Variants in IGSF21 observed in about 807,000 individuals in gnomAD.
The protein encoded by IGSF21 is immunoglobulin superfamily member 21.
IGSF21 carries 28 observed loss-of-function variants against 46.8 expected under a neutral mutation model. That is an observed-to-expected ratio of 0.60 (90% confidence interval 0.44 to 0.82). The LOEUF (loss-of-function observed/expected upper bound fraction) is 0.82. Ranked by LOEUF, IGSF21 falls within the 40% of genes least tolerant of loss-of-function variation. IGSF21 has a pLI of 0.00. For missense variants in IGSF21, 624 were observed against 665.5 expected (o/e 0.94, Z 0.69); for synonymous variants, 284 against 273.6 (o/e 1.04, Z -0.38).
At chr1:18,325,869 G>A (rs2085652456) in intron 3 of IGSF21, among the ~76,000 whole-genome samples, 1 of 152,218 alleles carries the variant, frequency 6.6e-6, no homozygotes, top group Non-Finnish European at 1.5e-5. Context: ...AAAGCAAGAT[G>A]CCGTGAGGGC....
intron 3 of IGSF21, among the ~76,000 whole-genome samples, chr1:18,292,196 G>A (rs890294172): frequency 1.8e-4 from 27 of 152,208 alleles, no homozygotes; most frequent in African/African-American, 6.0e-4. Flanking sequence ...CCAGGCCACC[G>A]CTCTTCTGAC....
At chr1:18,343,760 C>A (rs555110642) in intron 4 of IGSF21, among the ~76,000 whole-genome samples, 1 of 152,158 alleles carries the variant, frequency 6.6e-6, no homozygotes, top group Non-Finnish European at 1.5e-5. Context: ...TGTGAAAGTG[C>A]GAGTTTATTT....
At chr1:18,320,629 G>T (rs1042106494) in intron 3 of IGSF21, among the ~76,000 whole-genome samples, 1 of 152,148 alleles carries the variant, frequency 6.6e-6, no homozygotes, top group South Asian at 2.1e-4. Flanking sequence ...TGGAGTCATC[G>T]GTCCTGCTCT....
intron 2 of IGSF21, among the ~76,000 whole-genome samples, chr1:18,261,349 G>A (rs1017297648): frequency 1.3e-5 from 2 of 152,168 alleles, no homozygotes; most frequent in African/African-American, 2.4e-5. Context: ...GGCAGGGTTC[G>A]GATGCTGGAC....
intron 1 of IGSF21, among the ~76,000 whole-genome samples, chr1:18,136,334 A>T (rs1173831326): frequency 6.6e-6 from 1 of 152,180 alleles, no homozygotes; most frequent in Non-Finnish European, 1.5e-5. Context: ...GTCCTTGCCC[A>T]TGCCTATGTC....
In IGSF21 at chr1:18,252,488, C is replaced by T. The variant is rs567473566; in HGVS notation, c.183+24478C>T. Among the ~76,000 whole-genome samples, 18 of 152,364 alleles carry T rather than the reference C, an allele frequency of 1.2e-4. No homozygotes were observed. The South Asian group carries it at 3.1e-3, about 26-fold the overall frequency. On this transcript the variant is annotated intron_variant, in intron 2 of 9. Transcript: ENST00000251296. ...GAGGTGGCCGTAGCTTTGCTCCAGT[C>T]ACAGAGGCAGTCGACATCTAAGCAG...
At chr1:18,218,258 A>G (rs948624554) in intron 1 of IGSF21, among the ~76,000 whole-genome samples, 143 of 152,192 alleles carry the variant, frequency 9.4e-4, no homozygotes, top group African/African-American at 3.4e-3. Flanking sequence ...ACACACTTTT[A>G]AACAAGCAGA....
intron 1 of IGSF21, among the ~76,000 whole-genome samples, chr1:18,214,683 C>T (rs1388009651): frequency 6.6e-6 from 1 of 152,150 alleles, no homozygotes; most frequent in East Asian, 1.9e-4. Flanking sequence ...ATCTTACATG[C>T]AGGCAGGAGA....
intron 4 of IGSF21, among the ~76,000 whole-genome samples, chr1:18,357,333 G>A (rs1430637586): frequency 6.7e-6 from 1 of 149,202 alleles, no homozygotes; most frequent in South Asian, 2.2e-4. Flanking sequence ...AGATAAGGAA[G>A]GAGATGAAGA....
intron 1 of IGSF21, among the ~76,000 whole-genome samples, chr1:18,202,432 A>G (rs2087085654): frequency 6.6e-6 from 1 of 152,200 alleles, no homozygotes; most frequent in Non-Finnish European, 1.5e-5. Flanking sequence ...ACTGCTATAA[A>G]GAAATACTCA....
At chr1:18,160,587 G>A (rs2086609924) in intron 1 of IGSF21, among the ~76,000 whole-genome samples, 1 of 152,146 alleles carries the variant, frequency 6.6e-6, no homozygotes, top group Admixed American at 6.5e-5. Flanking sequence ...GGTAACATGA[G>A]GATCGTACAG....
At chr1:18,235,248 T>G (rs1172005996) in intron 2 of IGSF21, among the ~76,000 whole-genome samples, 4 of 152,238 alleles carry the variant, frequency 2.6e-5, no homozygotes, top group Non-Finnish European at 4.4e-5. Flanking sequence ...TAGAGGGAGC[T>G]GTTCCATGCA....
At chr1:18,227,007 A>G (rs996221606) in intron 1 of IGSF21, among the ~76,000 whole-genome samples, 1 of 152,196 alleles carries the variant, frequency 6.6e-6, no homozygotes, top group East Asian at 1.9e-4. Context: ...AGTGTCCCCA[A>G]GGTGTGGCTA....
chr1:18,163,588 G>A (rs1407808138), intron 1 of IGSF21, among the ~76,000 whole-genome samples: 1 of 152,196 alleles, frequency 6.6e-6, no homozygotes, highest in African/African-American at 2.4e-5. Context: ...TCCCCAGCAG[G>A]AGACAAGGCT....
chr1:18,374,349 G>A (rs995859695), intron 6 of IGSF21, among the ~76,000 whole-genome samples: 1 of 152,168 alleles, frequency 6.6e-6, no homozygotes, highest in Non-Finnish European at 1.5e-5. Context: ...CTTAGGACTC[G>A]CTAAACAAAT....
At chr1:18,361,843 A>T (rs1025760071) in intron 4 of IGSF21, 1 of 365,442 alleles carries the variant, frequency 2.7e-6, no homozygotes. Flanking sequence ...GATCTGATGC[A>T]CTTCACACTT....
chr1:18,357,888 C>G (rs766616526), intron 4 of IGSF21, among the ~76,000 whole-genome samples: 18 of 152,098 alleles, frequency 1.2e-4, no homozygotes, highest in Non-Finnish European at 2.5e-4. Context: ...AACAGCTCTG[C>G]TATGTCATCG....
At chr1:18,117,210 G>A (rs1416984208) in intron 1 of IGSF21, among the ~76,000 whole-genome samples, 2 of 152,218 alleles carry the variant, frequency 1.3e-5, no homozygotes, top group Admixed American at 1.3e-4. Flanking sequence ...AGAAAGAAAT[G>A]CCATCGTTTG....
At chr1:18,260,239 G>A (rs1029842635) in intron 2 of IGSF21, among the ~76,000 whole-genome samples, 5 of 152,242 alleles carry the variant, frequency 3.3e-5, no homozygotes, top group South Asian at 2.1e-4. Context: ...AATGTCTGTC[G>A]AGGGAAGGGG....
Sources: gnomAD v4.1 joint callset for allele counts (sites outside exome capture counted in the v4.1 genomes callset) on GRCh38, gnomAD v4.1.1 for gene constraint, MANE v1.5 for transcripts, NCBI Gene and HGNC (gene_info 2026-07-23, HGNC 2026-07-21) for gene names.